The following ADAMTS3 variants were observed in gnomAD, a reference collection of about 807,000 sequenced individuals.
The protein encoded by ADAMTS3 is ADAM metallopeptidase with thrombospondin type 1 motif 3.
Under a neutral mutation model 129.0 loss-of-function variants are expected in ADAMTS3, and 73 were observed. The observed-to-expected ratio is 0.57, with a 90% CI of 0.47 to 0.69. The LOEUF is 0.69. ADAMTS3 is among the 30% of genes least tolerant of loss of function. The pLI, the probability that ADAMTS3 is intolerant of heterozygous loss-of-function variation, is 0.00. For synonymous variants in ADAMTS3, 477 were observed against 510.8 expected (o/e 0.93, Z 0.89); for missense variants, 1,457 against 1,514.5 (o/e 0.96, Z 0.63).
chr4:72,319,201 G>A (rs1248800167), intron 9 of ADAMTS3, 131 bp downstream of exon 9: 2 of 1,117,464 alleles, frequency 1.8e-6, no homozygotes, highest in Non-Finnish European at 1.3e-6. Flanking sequence ...AATGTTCTAA[G>A]TCATAAGAAA....
chr4:72,309,528 G>T lies in ADAMTS3; in HGVS notation c.2056-8C>A, dbSNP rs1560466904. The stretch of plus-strand genomic sequence containing the variant: ...TTTATCACAGCCCACTTTCTGGAGA[G>T]AGAAGATGTCAAATGTGGCTAATTT... On this transcript the variant is annotated splice_polypyrimidine_tract_variant and splice_region_variant and intron_variant, in intron 14 of 21. Coordinates refer to ENST00000286657, the MANE Select transcript of ADAMTS3 (RefSeq NM_014243.3). 6.2e-7 allele frequency: 1 copy of T among 1,610,814 alleles called. No homozygotes were observed. The highest frequency in any genetic ancestry group is 1.7e-5 in the Admixed American group (1 of 59,878).
chr4:72,364,488 G>T (rs1051927692), intron 4 of ADAMTS3, among the ~76,000 whole-genome samples: 2 of 151,882 alleles, frequency 1.3e-5, no homozygotes, highest in South Asian at 2.1e-4. Flanking sequence ...GGTGGCACAC[G>T]CCTGTAATCC....
intron 4 of ADAMTS3, among the ~76,000 whole-genome samples, chr4:72,385,442 A>G (rs892384620): frequency 2.6e-5 from 4 of 152,102 alleles, no homozygotes; most frequent in Admixed American, 2.0e-4. Context: ...AAGAGCAGGT[A>G]GGACAAACAG....
At chr4:72,340,894 GA>G in intron 4 of ADAMTS3, among the ~76,000 whole-genome samples, 1 of 152,228 alleles carries the variant, frequency 6.6e-6, no homozygotes, top group East Asian at 1.9e-4. Context: ...ATAGAACTCA[GA>G]AAGGATTTTA....
chr4:72,372,544 T>C (rs1721035417), intron 4 of ADAMTS3, among the ~76,000 whole-genome samples: 1 of 151,972 alleles, frequency 6.6e-6, no homozygotes, highest in Admixed American at 6.6e-5. Flanking sequence ...ATATATTAAG[T>C]AATAAACTTA....
At chr4:72,522,581 AC>A (rs1008731171) in intron 3 of ADAMTS3, among the ~76,000 whole-genome samples, 1 of 152,102 alleles carries the variant, frequency 6.6e-6, no homozygotes, top group African/African-American at 2.4e-5. Context: ...AAAAGAGTGA[AC>A]CTCTGCAATT....
intron 18 of ADAMTS3, among the ~76,000 whole-genome samples, chr4:72,296,241 G>A (rs1489437313): frequency 6.6e-6 from 1 of 152,012 alleles, no homozygotes. Context: ...ATAGTATGGG[G>A]TAATGGAAAT....
At chr4:72,378,916 A>G (rs534688419) in intron 4 of ADAMTS3, among the ~76,000 whole-genome samples, 8 of 152,226 alleles carry the variant, frequency 5.3e-5, no homozygotes, top group African/African-American at 1.9e-4. Flanking sequence ...GTTAAAATTC[A>G]TCTCCTTGTG....
intron 2 of ADAMTS3, among the ~76,000 whole-genome samples, chr4:72,550,103 GAAGAAGAA>G: frequency 1.5e-5 from 2 of 135,842 alleles, no homozygotes; most frequent in Admixed American, 7.4e-5. Flanking sequence ...AGAAGAAGAA[GAAGAAGAA>G]GAAGAAGGCA....
In ADAMTS3 at chr4:72,304,031, C is replaced by A. The variant is rs762525877; in HGVS notation, c.2310G>T (p.Glu770Asp). The A allele has an allele frequency of 6.2e-7, 1 of 1,613,698 alleles. No individual in the cohort carries two copies. The highest frequency in any genetic ancestry group is 1.1e-5 in the South Asian group (1 of 91,072). ...CTATGAAGGTCCGCGACTTGGCTTC[C>A]TCCCCTTTGCCATTTAAAATATAAT... Reference protein sequence around the residue: ...TGHYILNGKGEEAKSRTFIDL... With the variant: ...TGHYILNGKGDEAKSRTFIDL... The change falls in exon 17 of 22, where the codon GAG becomes GAT. Residue 770 changes from glutamate (E) to aspartate (D), a missense_variant. Transcript: ENST00000286657.
In ADAMTS3 at chr4:72,312,429, A is replaced by G. The variant is rs756422692; in HGVS notation, c.1783T>C (p.Phe595Leu). Residue 595 changes from phenylalanine (F) to leucine (L), a missense_variant, in exon 13 of 22, where the codon TTT becomes CTT. Phe to Leu is a conservative substitution (Grantham distance 22). Transcript: ENST00000286657. ...TCTGTGTTACAAAGCTGGTACTCAA[A>G]ATTAACACCAGGACAATCCTGACCA... ...NGGQDCPGVNFEYQLCNTEEC... is the reference protein window; with the variant it reads ...NGGQDCPGVNLEYQLCNTEEC... The G allele has an allele frequency of 2.5e-6, 4 of 1,613,474 alleles. No homozygotes were observed. Among genetic ancestry groups the G allele is most frequent in the Non-Finnish European group, 3.4e-6 (4 of 1,179,704 alleles).
chr4:72,545,073 G>T (rs1721430675), intron 3 of ADAMTS3, among the ~76,000 whole-genome samples: 1 of 151,850 alleles, frequency 6.6e-6, no homozygotes, highest in South Asian at 2.1e-4. Flanking sequence ...ATTTAAATTT[G>T]AAAACTCTTT....
At position 72,320,676 on chromosome 4, in the gene ADAMTS3, T is replaced by C. The variant is rs1327187440; in HGVS notation, c.1102+38A>G. The C allele has an allele frequency of 4.4e-6, 7 of 1,599,244 alleles. No homozygotes were observed. In the South Asian group the frequency reaches 5.6e-5, roughly 13 times the overall value. On this transcript the variant is annotated intron_variant, in intron 7 of 21. Coordinates refer to ENST00000286657, the MANE Select transcript of ADAMTS3 (RefSeq NM_014243.3). Reference sequence around the variant, plus strand: ...ATTTAGGATTACTTTTTAAAAGTCATGCCCTCAAGTATTTCTTCTACATAT... The same window carrying C: ...ATTTAGGATTACTTTTTAAAAGTCACGCCCTCAAGTATTTCTTCTACATAT...
intron 3 of ADAMTS3, among the ~76,000 whole-genome samples, chr4:72,425,034 G>A (rs954972222): frequency 6.6e-6 from 1 of 152,094 alleles, no homozygotes; most frequent in East Asian, 1.9e-4. Flanking sequence ...TATATTTCAA[G>A]CTAAAGCTAC....
intron 3 of ADAMTS3, among the ~76,000 whole-genome samples, chr4:72,526,694 A>T (rs923345296): frequency 7.0e-6 from 1 of 143,648 alleles, no homozygotes; most frequent in Admixed American, 7.1e-5. Flanking sequence ...CTTTGTATAC[A>T]CTACACACAT....
At chr4:72,399,267 A>C (rs1721811731) in intron 4 of ADAMTS3, among the ~76,000 whole-genome samples, 1 of 152,008 alleles carries the variant, frequency 6.6e-6, no homozygotes, top group East Asian at 1.9e-4. Flanking sequence ...TCATCTCTAC[A>C]AAAAAAGTAA....
chr4:72,296,735 A>G (rs1718818877), intron 18 of ADAMTS3, among the ~76,000 whole-genome samples: 1 of 152,080 alleles, frequency 6.6e-6, no homozygotes, highest in Non-Finnish European at 1.5e-5. Context: ...AGGACATTTA[A>G]CATAGACATA....
chr4:72,310,623 C>A (rs2109796082), intron 14 of ADAMTS3, among the ~76,000 whole-genome samples: 1 of 152,128 alleles, frequency 6.6e-6, no homozygotes, highest in East Asian at 1.9e-4. Flanking sequence ...AGCCTTTAAA[C>A]TTAGAATTGA....
rs950402505 is a variant in ADAMTS3 at position 72,538,075 on chromosome 4, G to A, written c.504+10403C>T. Among the ~76,000 whole-genome samples, 8 of 152,202 alleles carry A rather than the reference G, an allele frequency of 5.3e-5. No individual in the cohort carries two copies. The South Asian group carries it at 6.2e-4, about 12-fold the overall frequency. ...TTAGTAAACTTGAAGGGAGGACCAC[G>A]GAAATACCAAGTCTGAGAAAGAAAA... On this transcript the variant is annotated intron_variant, in intron 3 of 21. Transcript: ENST00000286657.
Sources: allele counts gnomAD v4.1 joint callset (sites outside exome capture counted in the v4.1 genomes callset), GRCh38; gene constraint gnomAD v4.1.1; transcripts MANE v1.5; gene names NCBI Gene and HGNC (gene_info 2026-07-23, HGNC 2026-07-21).